MORC1: variants seen among roughly 807,000 people sequenced by gnomAD.
MORC1 encodes the protein MORC family CW-type zinc finger protein 1.
A neutral mutation model predicts 134.9 loss-of-function variants in MORC1; 59 were observed. The ratio of observed to expected loss-of-function variants is 0.44; its 90% CI spans 0.35 to 0.54. The LOEUF (loss-of-function observed/expected upper bound fraction) is 0.54, where lower values mean the gene tolerates loss of function less well. MORC1 is among the 20% of genes least tolerant of loss of function. The pLI is 0.00. For synonymous variants in MORC1, 395 were observed against 391.7 expected, an observed-to-expected ratio of 1.01 and a Z score of -0.10; for missense variants, 947 against 1,134.5, an observed-to-expected ratio of 0.83 and a Z score of 2.37.
chr3:109,076,310 C>T (rs1311992288), intron 8 of MORC1, among the ~76,000 whole-genome samples: 1 of 152,036 alleles, frequency 6.6e-6, no homozygotes, highest in African/African-American at 2.4e-5. Context: ...GAATGGCAAT[C>T]ATTAAAAAGT....
Position 109,035,409 on chromosome 3 carries a change from C to G in MORC1, c.1390G>C (p.Glu464Gln). 2 of 1,558,804 alleles carry G rather than the reference C, an allele frequency of 1.3e-6. No individual in the cohort carries two copies. The highest frequency in any genetic ancestry group is 1.4e-5 in the African/African-American group (1 of 73,012). Residue 464 changes from glutamate (E) to glutamine (Q), a missense_variant, in exon 15 of 28, where the codon GAG (glutamate) becomes CAG (glutamine). Transcript: ENST00000232603. ...TATTGAAAAGAATTTAAAGGTTTCT[C>G]CACATCGATGTCATTCTGGTATCCA... ...EFGYQNDIDV[E>Q]KPLNSFQYQR...
At chr3:108,994,507 C>G (rs1948145687) in intron 21 of MORC1, among the ~76,000 whole-genome samples, 1 of 152,066 alleles carries the variant, frequency 6.6e-6, no homozygotes, top group South Asian at 2.1e-4. Context: ...GGGTTTGCCT[C>G]TAACATTCAG....
chr3:109,099,057 T>C (rs923095283), intron 6 of MORC1, among the ~76,000 whole-genome samples: 2 of 152,232 alleles, frequency 1.3e-5, no homozygotes, highest in Admixed American at 6.5e-5. Flanking sequence ...AATCAATTTA[T>C]GGCATATATG....
intron 16 of MORC1, among the ~76,000 whole-genome samples, chr3:109,028,964 A>G (rs907067975): frequency 1.3e-5 from 2 of 152,158 alleles, no homozygotes; most frequent in Non-Finnish European, 2.9e-5. Flanking sequence ...GGAGGGACAA[A>G]GTCCACAGAA....
chr3:108,965,636 T>C (rs1296006228), intron 26 of MORC1, among the ~76,000 whole-genome samples: 3 of 152,200 alleles, frequency 2.0e-5, no homozygotes, highest in East Asian at 1.9e-4. Flanking sequence ...CTTCCATGTA[T>C]GATAAAATGA....
At chr3:109,040,411 G>GAAAGAAAGA (rs1559912571) in intron 14 of MORC1, among the ~76,000 whole-genome samples, 11 of 25,216 alleles carry the variant, frequency 4.4e-4, no homozygotes, top group Non-Finnish European at 5.4e-4. Flanking sequence ...AGAGAAGGAA[G>GAAAGAAAGA]GAAGGAAGGA....
intron 26 of MORC1, among the ~76,000 whole-genome samples, chr3:108,964,263 C>G (rs1435548904): frequency 6.6e-6 from 1 of 152,150 alleles, no homozygotes; most frequent in African/African-American, 2.4e-5. Flanking sequence ...ATGGAGAGGC[C>G]AAATGCTTCA....
At chr3:108,962,794 CTCAAT>C (rs1163996642) in intron 27 of MORC1, among the ~76,000 whole-genome samples, 2 of 152,126 alleles carry the variant, frequency 1.3e-5, no homozygotes, top group Non-Finnish European at 2.9e-5. Flanking sequence ...TATCACATAA[CTCAAT>C]TCTTTATGCA....
intron 24 of MORC1, among the ~76,000 whole-genome samples, chr3:108,974,045 C>T (rs568215401): frequency 6.6e-6 from 1 of 152,026 alleles, no homozygotes; most frequent in African/African-American, 2.4e-5. Flanking sequence ...ACACCCCCAC[C>T]CCCCCACCAG....
chr3:109,091,611 G>A (rs1445966150), intron 8 of MORC1, among the ~76,000 whole-genome samples: 1 of 152,112 alleles, frequency 6.6e-6, no homozygotes, highest in Non-Finnish European at 1.5e-5. Flanking sequence ...CTACCCCCGA[G>A]GAGGTGGTGA....
At chr3:108,980,397 T>C (rs1559868653) in intron 23 of MORC1, among the ~76,000 whole-genome samples, 1 of 152,090 alleles carries the variant, frequency 6.6e-6, no homozygotes, top group Non-Finnish European at 1.5e-5. Flanking sequence ...TTTCTGCCCA[T>C]GAAATGCTAA....
intron 14 of MORC1, among the ~76,000 whole-genome samples, chr3:109,041,893 G>A (rs35048080): frequency 0.054 from 8,185 of 151,418 alleles, 513 homozygotes; most frequent in African/African-American, 0.15. Flanking sequence ...GCAGTGAGCC[G>A]AGATTGTGCC....
chr3:109,014,422 C>A (rs2107560146), intron 17 of MORC1, among the ~76,000 whole-genome samples: 1 of 152,054 alleles, frequency 6.6e-6, no homozygotes, highest in East Asian at 1.9e-4. Flanking sequence ...TCTTTCATAG[C>A]CAAAACAGTA....
At chr3:109,010,273 C>T (rs1207241732) in intron 17 of MORC1, among the ~76,000 whole-genome samples, 22 of 152,132 alleles carry the variant, frequency 1.4e-4, no homozygotes, top group Admixed American at 1.1e-3. Flanking sequence ...CTATGCTTAC[C>T]AAAATGATAA....
At chr3:109,001,554 C>T (rs539236369) in intron 20 of MORC1, among the ~76,000 whole-genome samples, 2 of 152,194 alleles carry the variant, frequency 1.3e-5, no homozygotes, top group South Asian at 2.1e-4. Flanking sequence ...ATTTAGCCTT[C>T]GTGACAGTCT....
chr3:109,066,106 C>T (rs1274673561), intron 9 of MORC1, among the ~76,000 whole-genome samples: 1 of 151,920 alleles, frequency 6.6e-6, no homozygotes, highest in Non-Finnish European at 1.5e-5. Context: ...ATCCATACCC[C>T]AAACGTCAGC....
At chr3:108,978,192 C>T (rs6783884) in intron 24 of MORC1, among the ~76,000 whole-genome samples, 36,648 of 152,072 alleles carry the variant, frequency 0.24, 4,615 homozygotes, top group Middle Eastern at 0.44. Context: ...CTTTTTCAAC[C>T]TTATAATGCC....
At chr3:109,028,540 C>T (rs560123812) in intron 16 of MORC1, among the ~76,000 whole-genome samples, 16 of 152,166 alleles carry the variant, frequency 1.1e-4, no homozygotes, top group African/African-American at 3.9e-4. Context: ...TTAGTAAATA[C>T]ATAATAATGT....
At chr3:109,051,834 T>C (rs1315771542) in intron 14 of MORC1, among the ~76,000 whole-genome samples, 1 of 152,050 alleles carries the variant, frequency 6.6e-6, no homozygotes, top group Admixed American at 6.6e-5. Flanking sequence ...TAGCAAATGA[T>C]ACCCTGTAGT....
Sources: gnomAD v4.1 joint callset for allele counts (sites outside exome capture counted in the v4.1 genomes callset) on GRCh38, gnomAD v4.1.1 for gene constraint, MANE v1.5 for transcripts, NCBI Gene and HGNC (gene_info 2026-07-23, HGNC 2026-07-21) for gene names.